The following LINGO1 variants were observed in gnomAD, a reference collection of about 807,000 sequenced individuals.
The protein encoded by LINGO1 is leucine rich repeat and Ig domain containing 1, also known as leucine-rich repeat and immunoglobulin-like domain-containing nogo receptor-interacting protein 1.
A neutral mutation model predicts 37.3 loss-of-function variants in LINGO1; 11 were observed. The ratio of observed to expected loss-of-function variants is 0.29; its 90% CI spans 0.19 to 0.49. The LOEUF is 0.49. Among genes scored for constraint, LINGO1 ranks in the 20% least tolerant of loss-of-function variants. The pLI, the probability that LINGO1 is intolerant of heterozygous loss-of-function variation, is 0.99. For missense variants in LINGO1, 585 were observed against 878.2 expected, an observed-to-expected ratio of 0.67 and a Z score of 4.22; for synonymous variants, 387 against 403.0, an observed-to-expected ratio of 0.96 and a Z score of 0.48.
chr15:77,678,180 T>C lies in LINGO1; in HGVS notation c.-98-1006A>G, dbSNP rs566152971. 2.7e-3 allele frequency among the ~76,000 whole-genome samples: 407 copies of C among 152,378 alleles called. 3 individuals carry two copies. The highest frequency in any genetic ancestry group is 9.4e-3 in the African/African-American group (391 of 41,588). On this transcript the variant is annotated intron_variant, in intron 2 of 3. Transcript: ENST00000559893. ...CAGCAAACTTTTTCCATCAGGTTTA[T>C]TGAGGTATAATTACCCCACAGTAAA... is the stretch of plus-strand genomic sequence containing the variant.
At chr15:77,819,354 C>G (rs1036703230) in intron 1 of LINGO1, 2 of 151,346 alleles carry the variant, frequency 1.3e-5, no homozygotes, top group Admixed American at 1.3e-4. Context: ...GCTCCGGCCT[C>G]GGTTCCCGCT....
At chr15:77,699,062 G>A (rs1162099531), upstream of LINGO1, among the ~76,000 whole-genome samples, 4 of 152,092 alleles carry the variant, frequency 2.6e-5, no homozygotes, top group Non-Finnish European at 5.9e-5. Context: ...CAGCCTGACT[G>A]CCTCCTGAGC....
intron 1 of LINGO1, among the ~76,000 whole-genome samples, chr15:77,693,924 A>T (rs1372185757): frequency 6.6e-6 from 1 of 152,170 alleles, no homozygotes; most frequent in Non-Finnish European, 1.5e-5. Flanking sequence ...TCCGGTCCCT[A>T]ATGAACAGAC....
At chr15:77,694,067 T>A (rs73457865) in intron 1 of LINGO1, among the ~76,000 whole-genome samples, 4,106 of 152,090 alleles carry the variant, frequency 0.027, 192 homozygotes, top group African/African-American at 0.095. Flanking sequence ...CTGGGGACCA[T>A]GTGTGTTGGG....
At chr15:77,700,214 C>A (rs112136448), upstream of LINGO1, among the ~76,000 whole-genome samples, 160 of 152,288 alleles carry the variant, frequency 1.1e-3, 2 homozygotes, top group African/African-American at 3.7e-3. Context: ...GCTCCTCCCC[C>A]CAACACACCT....
chr15:77,614,010 G>T lies in LINGO1; in HGVS notation c.*34C>A. On this transcript the variant is annotated 3_prime_UTR_variant, in exon 2 of 2. Transcript: ENST00000355300. Reference sequence around the variant, plus strand: ...GGCGGCCAGGCCCCTTCCCCTGCCCGGCCGCCCGGGGGTCCCTGCCCCCCG... The same window carrying T: ...GGCGGCCAGGCCCCTTCCCCTGCCCTGCCGCCCGGGGGTCCCTGCCCCCCG... The T allele has an allele frequency of 6.5e-7, 1 of 1,528,120 alleles. No individual in the cohort carries two copies. Among genetic ancestry groups the T allele is most frequent in the Non-Finnish European group, 8.8e-7 (1 of 1,134,612 alleles). 94.7% of individuals were successfully genotyped at this position (1,528,120 alleles called of 1,614,324 possible). A position where few individuals can be genotyped will look rare whatever the true frequency, so the allele number is the denominator to read the frequency against.
intron 1 of LINGO1, among the ~76,000 whole-genome samples, chr15:77,802,506 G>C (rs949429918): frequency 2.0e-5 from 3 of 152,214 alleles, no homozygotes; most frequent in Admixed American, 6.5e-5. Context: ...AAACTGCAGA[G>C]ATCAGGCCAT....
At chr15:77,635,289 C>T (rs936110539), upstream of LINGO1, among the ~76,000 whole-genome samples, 1 of 152,160 alleles carries the variant, frequency 6.6e-6, no homozygotes, top group African/African-American at 2.4e-5. Flanking sequence ...CCAATGGAAA[C>T]GACGGGGAGC....
Position 77,795,185 on chromosome 15 carries a change from G to C in LINGO1, c.-343+754C>G, listed in dbSNP as rs553986698. Reference sequence around the variant, plus strand: ...AGGATTGGCCCAGATATGGGGTAGAGGTGACTTGTCCAAGGTCATGAGCAA... The same window carrying C: ...AGGATTGGCCCAGATATGGGGTAGACGTGACTTGTCCAAGGTCATGAGCAA... On this transcript the variant is annotated intron_variant, in intron 2 of 5. Coordinates refer to the LINGO1 transcript ENST00000562933. Among the ~76,000 whole-genome samples the C allele has an allele frequency of 2.8e-3, 432 of 152,278 alleles. 4 individuals are homozygous for C. The highest frequency in any genetic ancestry group is 1.5e-3 in the Non-Finnish European group (105 of 68,022).
At chr15:77,617,938 C>G (rs1222246195) in intron 1 of LINGO1, among the ~76,000 whole-genome samples, 1 of 152,184 alleles carries the variant, frequency 6.6e-6, no homozygotes, top group Admixed American at 6.5e-5. Context: ...CCCTTCAGCC[C>G]CTCTCATCCT....
chr15:77,694,148 A>G (rs985434065), intron 1 of LINGO1, among the ~76,000 whole-genome samples: 3 of 152,168 alleles, frequency 2.0e-5, no homozygotes, highest in African/African-American at 7.2e-5. Context: ...TACATGAATC[A>G]GGGCTAGATT....
upstream of LINGO1, chr15:77,634,450 T>G (rs13329323): frequency 0.11 from 42,724 of 403,262 alleles, 4,985 homozygotes; most frequent in African/African-American, 0.41. Context: ...TACTGTGAAC[T>G]GTACGTTCAC....
At position 77,615,712 on chromosome 15, in the gene LINGO1, G is replaced by A. The variant is rs1222487102; in HGVS notation, c.195C>T (p.Val65=). Reference sequence around the variant, plus strand: ...GCGTCTCGGTGGGGATGCCCTCGGGGACTGCCACAAAGCGCTTGCGGTGGC... The same window carrying A: ...GCGTCTCGGTGGGGATGCCCTCGGGAACTGCCACAAAGCGCTTGCGGTGGC... ...VLCHRKRFVA[V]PEGIPTETRL... The change falls in exon 2 of 2, where the codon GTC becomes GTT. Residue 65 remains valine (V), a synonymous_variant. Transcript: ENST00000355300. 1.2e-5 allele frequency: 19 copies of A among 1,598,926 alleles called. No individual in the cohort carries two copies. The highest frequency in any genetic ancestry group is 1.4e-5 in the Non-Finnish European group (16 of 1,174,212).
chr15:77,613,660 C>T lies in LINGO1; in HGVS notation c.*384G>A, dbSNP rs1214061021. 9.6e-6 allele frequency: 2 copies of T among 208,610 alleles called. No individual in the cohort carries two copies. Among genetic ancestry groups the T allele is most frequent in the African/African-American group, 4.6e-5 (2 of 43,580 alleles). The allele number at this position is 208,610 out of a possible 1,614,324, so 12.9% of individuals were successfully genotyped here. A position where few individuals can be genotyped will look rare whatever the true frequency, so the allele number is the denominator to read the frequency against. On this transcript the variant is annotated 3_prime_UTR_variant, in exon 2 of 2. Coordinates refer to ENST00000355300, the MANE Select transcript of LINGO1 (RefSeq NM_032808.7). ...CGTCAAAAGTTTGCATTCCGACTAG[C>T]TATAGGAAATAGTTTTTTTCTCTTT...
intron 2 of LINGO1, chr15:77,734,973 C>T (rs914800827): frequency 2.0e-5 from 3 of 152,412 alleles, no homozygotes; most frequent in African/African-American, 7.2e-5. Context: ...CCAACACAGA[C>T]AGCAGCTGCT....
intron 2 of LINGO1, among the ~76,000 whole-genome samples, chr15:77,715,251 C>T (rs1375636216): frequency 6.6e-6 from 1 of 152,196 alleles, no homozygotes; most frequent in Admixed American, 6.5e-5. Context: ...GCCCTATCAG[C>T]GTGGGCCCAG....
chr15:77,686,507 G>C (rs1018328753), intron 2 of LINGO1, among the ~76,000 whole-genome samples: 1 of 152,240 alleles, frequency 6.6e-6, no homozygotes, highest in African/African-American at 2.4e-5. Flanking sequence ...CTGTGTTTCT[G>C]TTTCTTCTTC....
In LINGO1 at chr15:77,614,031, C is replaced by G; in HGVS notation, c.*13G>C. Reference sequence around the variant, plus strand: ...GCCCGGCCGCCCGGGGGTCCCTGCCCCCCGCCCCGGCCTCATATCATCTTC... The same window carrying G: ...GCCCGGCCGCCCGGGGGTCCCTGCCGCCCGCCCCGGCCTCATATCATCTTC... On this transcript the variant is annotated 3_prime_UTR_variant, in exon 2 of 2. Coordinates refer to ENST00000355300, the MANE Select transcript of LINGO1 (RefSeq NM_032808.7). The G allele has an allele frequency of 6.4e-7, 1 of 1,552,812 alleles. No homozygotes were observed. The highest frequency in any genetic ancestry group is 8.7e-7 in the Non-Finnish European group (1 of 1,147,114).
intron 1 of LINGO1, among the ~76,000 whole-genome samples, chr15:77,693,402 G>A (rs1236869670): frequency 1.3e-5 from 2 of 152,192 alleles, no homozygotes; most frequent in African/African-American, 4.8e-5. Flanking sequence ...CTTGGGCTAG[G>A]GCTGGTGGGT....
Sources: gnomAD v4.1 joint callset for allele counts (sites outside exome capture counted in the v4.1 genomes callset) on GRCh38, gnomAD v4.1.1 for gene constraint, MANE v1.5 for transcripts, NCBI Gene and HGNC (gene_info 2026-07-23, HGNC 2026-07-21) for gene names.